MDGA2: variants seen among roughly 807,000 people sequenced by gnomAD.
The protein encoded by MDGA2 is MAM domain containing glycosylphosphatidylinositol anchor 2.
In MDGA2, 40 loss-of-function variants were observed where a neutral mutation model predicts 117.8. That is an observed-to-expected ratio of 0.34 (90% confidence interval 0.26 to 0.44). The LOEUF (loss-of-function observed/expected upper bound fraction) is 0.44, where lower values mean the gene tolerates loss of function less well. Among genes scored for constraint, MDGA2 ranks in the 20% least tolerant of loss-of-function variants. The pLI is 1.00. For synonymous variants in MDGA2, 452 were observed against 439.0 expected (o/e 1.03, Z -0.37); for missense variants, 1,123 against 1,250.6 (o/e 0.90, Z 1.54).
chr14:47,204,127 A>T (rs553674380), intron 3 of MDGA2, among the ~76,000 whole-genome samples: 12 of 152,132 alleles, frequency 7.9e-5, no homozygotes, highest in African/African-American at 2.6e-4. Flanking sequence ...TTTTTTATGC[A>T]TACTAAGACT....
chr14:47,342,915 C>A, intron 1 of MDGA2: 1 of 469,662 alleles, frequency 2.1e-6, no homozygotes. Flanking sequence ...TCATTTCATA[C>A]TTGGGATAAA....
intron 2 of MDGA2, among the ~76,000 whole-genome samples, chr14:47,243,910 T>G (rs1447702196): frequency 6.6e-6 from 1 of 151,842 alleles, no homozygotes; most frequent in Non-Finnish European, 1.5e-5. Flanking sequence ...CATTATTCTC[T>G]CTGGGTCTTA....
chr14:46,916,899 C>G (rs1158306194), intron 10 of MDGA2, among the ~76,000 whole-genome samples: 4 of 151,808 alleles, frequency 2.6e-5, no homozygotes, highest in Non-Finnish European at 1.5e-5. Flanking sequence ...CAAAGGAGTA[C>G]AGAAAAGAAT....
intron 1 of MDGA2, among the ~76,000 whole-genome samples, chr14:47,499,541 A>C (rs1894355836): frequency 6.6e-6 from 1 of 152,118 alleles, no homozygotes; most frequent in Non-Finnish European, 1.5e-5. Flanking sequence ...GTAAATAGGC[A>C]ATTAATTTAT....
chr14:47,098,556 T>C (rs1434025852), intron 5 of MDGA2, among the ~76,000 whole-genome samples: 1 of 151,822 alleles, frequency 6.6e-6, no homozygotes, highest in East Asian at 1.9e-4. Flanking sequence ...AAGAGTTATT[T>C]AATGTTAAAC....
chr14:47,195,341 A>C (rs564135748), intron 3 of MDGA2, among the ~76,000 whole-genome samples: 2 of 152,200 alleles, frequency 1.3e-5, no homozygotes, highest in South Asian at 4.1e-4. Context: ...AATATTCTCA[A>C]ATCTCCAAGG....
At chr14:47,610,848 G>GA (rs953107978) in intron 1 of MDGA2, among the ~76,000 whole-genome samples, 1 of 151,806 alleles carries the variant, frequency 6.6e-6, no homozygotes, top group Non-Finnish European at 1.5e-5. Context: ...CACAGAATTA[G>GA]AAAAAAACTA....
At chr14:47,018,619 G>C (rs1159882502) in intron 8 of MDGA2, among the ~76,000 whole-genome samples, 1 of 149,516 alleles carries the variant, frequency 6.7e-6, no homozygotes, top group East Asian at 2.0e-4. Flanking sequence ...GAGAACACAG[G>C]AAGAATTCAA....
At chr14:47,050,181 A>G (rs1889407049) in intron 7 of MDGA2, among the ~76,000 whole-genome samples, 1 of 152,154 alleles carries the variant, frequency 6.6e-6, no homozygotes, top group East Asian at 1.9e-4. Context: ...GAATTCACCT[A>G]TGTTCAACAC....
rs1316686938 is a variant in MDGA2 at position 47,549,248 on chromosome 14, T to A, written c.280+125269A>T. On this transcript the variant is annotated intron_variant, in intron 1 of 16. Coordinates refer to ENST00000399232, the MANE Select transcript of MDGA2 (RefSeq NM_001113498.3). ...GTTCTTTGCTCTTTTTGAAATTCAA[T>A]GATTTTTCTCAAATAAATACTCTGG... is the stretch of plus-strand genomic sequence containing the variant. 3.3e-5 allele frequency among the ~76,000 whole-genome samples: 5 copies of A among 152,176 alleles called. No homozygotes were observed. In the East Asian group the frequency reaches 9.6e-4, roughly 29 times the overall value.
intron 1 of MDGA2, among the ~76,000 whole-genome samples, chr14:47,497,239 A>G (rs1386785401): frequency 6.6e-6 from 1 of 152,078 alleles, no homozygotes; most frequent in Non-Finnish European, 1.5e-5. Context: ...AGATTTAACT[A>G]CTGTTAAGAT....
intron 1 of MDGA2, among the ~76,000 whole-genome samples, chr14:47,552,027 G>C (rs768920861): frequency 5.3e-5 from 8 of 152,052 alleles, no homozygotes; most frequent in Non-Finnish European, 1.0e-4. Flanking sequence ...TGATCATTTG[G>C]GGCTTATTTT....
intron 6 of MDGA2, among the ~76,000 whole-genome samples, chr14:47,079,269 A>G (rs994040934): frequency 6.6e-6 from 1 of 152,172 alleles, no homozygotes; most frequent in African/African-American, 2.4e-5. Context: ...GAGATCCACA[A>G]CTACTCACTG....
intron 1 of MDGA2, among the ~76,000 whole-genome samples, chr14:47,465,637 C>T (rs1046164453): frequency 1.3e-5 from 2 of 152,158 alleles, no homozygotes; most frequent in Admixed American, 6.6e-5. Flanking sequence ...GAGATATCAT[C>T]TCACACCAGT....
intron 7 of MDGA2, among the ~76,000 whole-genome samples, chr14:47,052,734 A>G (rs190244913): frequency 8.7e-4 from 133 of 152,076 alleles, no homozygotes; most frequent in Non-Finnish European, 1.4e-3. Context: ...GAGGATTCAT[A>G]TAATTGTCAC....
chr14:47,367,163 A>C (rs1023290266), intron 1 of MDGA2, among the ~76,000 whole-genome samples: 1 of 152,184 alleles, frequency 6.6e-6, no homozygotes, highest in Non-Finnish European at 1.5e-5. Context: ...AACAGTTAAA[A>C]TATACTGGGA....
intron 2 of MDGA2, among the ~76,000 whole-genome samples, chr14:47,229,634 A>G (rs908411471): frequency 1.8e-4 from 27 of 151,970 alleles, no homozygotes; most frequent in Non-Finnish European, 7.4e-5. Flanking sequence ...TGCATTCATT[A>G]GAAATGCTAT....
chr14:47,634,845 C>A (rs569745556), intron 1 of MDGA2, among the ~76,000 whole-genome samples: 1 of 152,058 alleles, frequency 6.6e-6, no homozygotes, highest in Non-Finnish European at 1.5e-5. Context: ...TCAATCATTA[C>A]CATGTTCAGG....
chr14:47,409,963 T>C (rs1439606096), intron 1 of MDGA2, among the ~76,000 whole-genome samples: 6 of 152,176 alleles, frequency 3.9e-5, no homozygotes, highest in Non-Finnish European at 8.8e-5. Flanking sequence ...CTGTGAAGTA[T>C]GTACGATAAC....
Sources: allele counts gnomAD v4.1 joint callset (sites outside exome capture counted in the v4.1 genomes callset), GRCh38; gene constraint gnomAD v4.1.1; transcripts MANE v1.5; gene names NCBI Gene and HGNC (gene_info 2026-07-23, HGNC 2026-07-21).